Variants in ARHGEF6 observed in about 807,000 individuals in gnomAD.
ARHGEF6 encodes the protein rho guanine nucleotide exchange factor 6.
ARHGEF6 carries 9 observed loss-of-function variants against 70.3 expected under a neutral mutation model. The ratio of observed to expected loss-of-function variants is 0.13; its 90% CI spans 0.08 to 0.22. The LOEUF is 0.22. Ranked by LOEUF, ARHGEF6 falls within the 10% of genes least tolerant of loss-of-function variation. The pLI is 1.00. For missense variants in ARHGEF6, 470 were observed against 563.0 expected (o/e 0.83, Z 1.67); for synonymous variants, 201 against 207.8 (o/e 0.97, Z 0.28).
At chrX:136,727,363 T>TTC (rs1310560632) in intron 6 of ARHGEF6, among the ~76,000 whole-genome samples, 1 of 65,608 alleles carries the variant, frequency 1.5e-5, no homozygotes, top group African/African-American at 6.4e-5. Context: ...CTTTCTTTCT[T>TTC]TCTTTCTTTC....
At chrX:136,702,815 T>C (rs1476693325) in intron 9 of ARHGEF6, among the ~76,000 whole-genome samples, 1 of 112,041 alleles carries the variant, frequency 8.9e-6, no homozygotes, top group East Asian at 2.8e-4. Flanking sequence ...AACTGACAGA[T>C]CCAGCAGCAG....
At chrX:136,686,944 T>C (rs1006327677) in intron 11 of ARHGEF6, among the ~76,000 whole-genome samples, 9 of 108,324 alleles carry the variant, frequency 8.3e-5, no homozygotes, top group African/African-American at 2.3e-4. Flanking sequence ...TGTACACATA[T>C]TTTAAGAGCA....
intron 21 of ARHGEF6, among the ~76,000 whole-genome samples, chrX:136,668,899 A>G (rs1001017762): frequency 1.8e-5 from 2 of 111,301 alleles, no homozygotes; most frequent in African/African-American, 6.6e-5. Flanking sequence ...ATCCTCGTCC[A>G]TAGGTTCAAA....
intron 2 of ARHGEF6, among the ~76,000 whole-genome samples, chrX:136,779,206 G>A (rs2077428839): frequency 8.9e-6 from 1 of 112,139 alleles, no homozygotes; most frequent in Non-Finnish European, 1.9e-5. Context: ...AGGCATTATT[G>A]TGTGAGTTTT....
intron 2 of ARHGEF6, chrX:136,767,641 G>T (rs1012485506): frequency 5.3e-5 from 40 of 752,767 alleles, no homozygotes; most frequent in Admixed American, 8.6e-5. Flanking sequence ...CGAGTGGAGG[G>T]GAGCGACTGC....
intron 21 of ARHGEF6, among the ~76,000 whole-genome samples, chrX:136,668,966 C>T (rs1157872297): frequency 9.0e-6 from 1 of 111,563 alleles, no homozygotes; most frequent in African/African-American, 3.3e-5. Flanking sequence ...CATTACCCTG[C>T]CTCAGTTCAG....
At chrX:136,763,619 G>A (rs371039902) in intron 2 of ARHGEF6, among the ~76,000 whole-genome samples, 17 of 112,111 alleles carry the variant, frequency 1.5e-4, no homozygotes, top group African/African-American at 5.5e-4. Context: ...GAGGTCAGGA[G>A]TTCAAGACCA....
At chrX:136,684,899 G>C (rs1164565629) in intron 12 of ARHGEF6, among the ~76,000 whole-genome samples, 7 of 111,580 alleles carry the variant, frequency 6.3e-5, no homozygotes, top group Non-Finnish European at 1.3e-4. Context: ...CAGTTCATTT[G>C]ACATATATAG....
chrX:136,679,470 C>G, intron 16 of ARHGEF6, 65 bp downstream of exon 16: 1 of 1,152,985 alleles, frequency 8.7e-7, no homozygotes. Flanking sequence ...TCCCACAGAA[C>G]TATTTGTAAT....
intron 2 of ARHGEF6, chrX:136,774,124 A>AT (rs1442554239): frequency 8.9e-6 from 1 of 111,872 alleles, no homozygotes; most frequent in African/African-American, 3.3e-5. Flanking sequence ...AATAAACATA[A>AT]TTTTTTTAAA....
At chrX:136,772,748 AG>A (rs1356506857) in intron 2 of ARHGEF6, among the ~76,000 whole-genome samples, 2 of 111,384 alleles carry the variant, frequency 1.8e-5, no homozygotes, top group Non-Finnish European at 3.8e-5. Context: ...CTGTAATCCC[AG>A]CTACTTGGGA....
intron 2 of ARHGEF6, among the ~76,000 whole-genome samples, chrX:136,762,201 A>G (rs1224758948): frequency 8.9e-6 from 1 of 112,516 alleles, no homozygotes; most frequent in African/African-American, 3.2e-5. Context: ...GGCGTATGCC[A>G]CCATGCCAGC....
chrX:136,668,260 G>A, intron 21 of ARHGEF6, 91 bp from the exon 22 acceptor site: 1 of 1,061,544 alleles, frequency 9.4e-7, no homozygotes, highest in Non-Finnish European at 1.3e-6. Context: ...TTTCATCACT[G>A]ACTCTCTTTC....
chrX:136,731,756 G>A (rs759719067), intron 6 of ARHGEF6, among the ~76,000 whole-genome samples: 4 of 111,840 alleles, frequency 3.6e-5, no homozygotes, highest in Non-Finnish European at 7.5e-5. Flanking sequence ...TTGCATTACA[G>A]GAACTTGGAA....
chrX:136,672,963 C>T (rs2076240567), intron 19 of ARHGEF6, among the ~76,000 whole-genome samples: 1 of 112,295 alleles, frequency 8.9e-6, no homozygotes, highest in African/African-American at 3.2e-5. Flanking sequence ...CTGCCTTCTC[C>T]AGGGCCTAGC....
rs1327017413 is a variant in ARHGEF6, at chrX:136,698,592, C to T, written c.1047-7844G>A. 1.3e-4 allele frequency among the ~76,000 whole-genome samples: 14 copies of T among 111,998 alleles called. No individual in the cohort carries two copies. The Admixed American group carries it at 1.3e-3, about 11-fold the overall frequency. On this transcript the variant is annotated intron_variant, in intron 9 of 21. Transcript: ENST00000250617. The stretch of plus-strand genomic sequence containing the variant: ...CATCAGAATCTTGGAGGCCAGAAGG[C>T]AGTGGGATGACATACTCAAAGTACT...
intron 11 of ARHGEF6, among the ~76,000 whole-genome samples, chrX:136,687,376 G>A (rs1397866380): frequency 1.8e-5 from 2 of 112,185 alleles, no homozygotes; most frequent in African/African-American, 6.5e-5. Flanking sequence ...GCACCAAGTG[G>A]TTTTATATCA....
At chrX:136,707,849 G>A (rs898511716) in intron 8 of ARHGEF6, among the ~76,000 whole-genome samples, 3 of 111,518 alleles carry the variant, frequency 2.7e-5, no homozygotes, top group Admixed American at 1.9e-4. Flanking sequence ...TTTAAGATAC[G>A]CTGCTTGAAA....
At chrX:136,769,654 C>G (rs887160778) in intron 2 of ARHGEF6, among the ~76,000 whole-genome samples, 1 of 111,379 alleles carries the variant, frequency 9.0e-6, no homozygotes, top group East Asian at 2.8e-4. Context: ...ACTACCCAGG[C>G]CATTCTTGAC....
Sources: allele counts gnomAD v4.1 joint callset (sites outside exome capture counted in the v4.1 genomes callset), GRCh38; gene constraint gnomAD v4.1.1; transcripts MANE v1.5; gene names NCBI Gene and HGNC (gene_info 2026-07-23, HGNC 2026-07-21).